The following CHCHD3 variants were observed in gnomAD, a reference collection of about 807,000 sequenced individuals.
CHCHD3 encodes MICOS complex subunit MIC19.
A neutral mutation model predicts 38.2 loss-of-function variants in CHCHD3; 20 were observed. That is an observed-to-expected ratio of 0.52 (90% CI 0.37 to 0.76). The LOEUF is 0.76. CHCHD3 is among the 30% of genes least tolerant of loss of function. The pLI is 0.00. For missense variants in CHCHD3, 245 were observed against 279.2 expected (o/e 0.88, Z 0.87); for synonymous variants, 82 against 100.0 (o/e 0.82, Z 1.07).
At chr7:132,806,271 C>T (rs762231444) in intron 6 of CHCHD3, among the ~76,000 whole-genome samples, 9 of 152,072 alleles carry the variant, frequency 5.9e-5, no homozygotes, top group South Asian at 2.1e-4. Flanking sequence ...GAGCAGAGAG[C>T]GTGAGGCAGA....
intron 5 of CHCHD3, chr7:132,847,139 T>C (rs1194620177): frequency 6.6e-6 from 1 of 152,160 alleles, no homozygotes; most frequent in African/African-American, 2.4e-5. Flanking sequence ...TATGCCCATG[T>C]CCTCAGGGTG....
At chr7:133,049,961 G>A (rs1490796925) in intron 2 of CHCHD3, among the ~76,000 whole-genome samples, 1 of 152,066 alleles carries the variant, frequency 6.6e-6, no homozygotes, top group Non-Finnish European at 1.5e-5. Flanking sequence ...TGATACCGAC[G>A]GTATCTTCCT....
intron 5 of CHCHD3, chr7:132,849,017 AG>A (rs1808150766): frequency 6.6e-6 from 1 of 152,224 alleles, no homozygotes. Flanking sequence ...TGTTTCTGAA[AG>A]GTACACTAAG....
chr7:132,818,672 G>A (rs1184312533), intron 6 of CHCHD3, among the ~76,000 whole-genome samples: 3 of 151,936 alleles, frequency 2.0e-5, no homozygotes, highest in Non-Finnish European at 4.4e-5. Flanking sequence ...CTGTCTACAT[G>A]AACAGAAGCA....
chr7:132,870,653 T>C lies in CHCHD3; in HGVS notation c.453+15009A>G, dbSNP rs144063859. On this transcript the variant is annotated intron_variant, in intron 5 of 7. Transcript: ENST00000262570. ...GTTACATGATTTATCTAAGAATAAA[T>C]AGCCAATAACTAGGAGGTCTAATAT... Among the ~76,000 whole-genome samples, 111 of 152,284 alleles carry C rather than the reference T, an allele frequency of 7.3e-4. 2 individuals carry two copies. Among genetic ancestry groups the C allele is most frequent in the Middle Eastern group, 6.8e-3 (2 of 294 alleles).
At chr7:132,993,818 T>G (rs7794951) in intron 3 of CHCHD3, among the ~76,000 whole-genome samples, 67,634 of 152,066 alleles carry the variant, frequency 0.44, 15,321 homozygotes, top group East Asian at 0.55. Context: ...TGTTGATCCC[T>G]GCACTTTGCC....
In CHCHD3 at chr7:132,817,677, A is replaced by T. The variant is rs1343867211; in HGVS notation, c.524+20722T>A. 2.0e-5 allele frequency among the ~76,000 whole-genome samples: 3 copies of T among 152,188 alleles called. No homozygotes were observed. The East Asian group carries it at 5.8e-4, about 29-fold the overall frequency. ...CCTTGGGATAACTGAACATGAAATC[A>T]ATTTCTTAATGGTTCTCTCTTAAAG... On this transcript the variant is annotated intron_variant, in intron 6 of 7. Coordinates refer to ENST00000262570, the MANE Select transcript of CHCHD3 (RefSeq NM_017812.4).
chr7:132,852,153 G>A (rs543807348), intron 5 of CHCHD3, among the ~76,000 whole-genome samples: 1 of 152,184 alleles, frequency 6.6e-6, no homozygotes, highest in African/African-American at 2.4e-5. Flanking sequence ...TGCTGATTTG[G>A]ATGATATTGG....
chr7:132,835,342 T>A (rs1164576940), intron 6 of CHCHD3, among the ~76,000 whole-genome samples: 7 of 152,208 alleles, frequency 4.6e-5, no homozygotes, highest in Non-Finnish European at 1.0e-4. Context: ...AGGAGCTTGG[T>A]CCAAAATCCA....
chr7:132,822,776 T>G (rs980000954), intron 6 of CHCHD3, among the ~76,000 whole-genome samples: 1 of 152,160 alleles, frequency 6.6e-6, no homozygotes, highest in African/African-American at 2.4e-5. Flanking sequence ...TTTGTTTCGC[T>G]GCAGCCTTCT....
intron 4 of CHCHD3, among the ~76,000 whole-genome samples, chr7:132,967,337 T>C (rs1811491314): frequency 1.3e-5 from 2 of 152,268 alleles, no homozygotes; most frequent in South Asian, 2.1e-4. Flanking sequence ...ACACAGTTCC[T>C]TGGAGAATGG....
intron 2 of CHCHD3, among the ~76,000 whole-genome samples, chr7:133,039,133 T>C (rs1562945645): frequency 6.6e-6 from 1 of 152,186 alleles, no homozygotes; most frequent in Non-Finnish European, 1.5e-5. Context: ...TCTTTTTTTT[T>C]AAGTTGCTTA....
chr7:132,927,110 C>A (rs1810396929), intron 4 of CHCHD3, among the ~76,000 whole-genome samples: 1 of 152,172 alleles, frequency 6.6e-6, no homozygotes, highest in Non-Finnish European at 1.5e-5. Flanking sequence ...AACCCATGCC[C>A]CCAGATTAGA....
At chr7:132,786,217 G>A (rs999562269) in intron 7 of CHCHD3, among the ~76,000 whole-genome samples, 1 of 152,196 alleles carries the variant, frequency 6.6e-6, no homozygotes, top group African/African-American at 2.4e-5. Flanking sequence ...ATTTGGAAAT[G>A]TTGGGAGCAT....
intron 5 of CHCHD3, among the ~76,000 whole-genome samples, chr7:132,883,689 G>A (rs982985818): frequency 3.3e-5 from 5 of 152,158 alleles, no homozygotes; most frequent in African/African-American, 7.2e-5. Flanking sequence ...AGGCAGAGGT[G>A]GGGAGCTGCA....
At chr7:133,020,927 A>G (rs2117434380) in intron 3 of CHCHD3, among the ~76,000 whole-genome samples, 1 of 146,262 alleles carries the variant, frequency 6.8e-6, no homozygotes, top group African/African-American at 2.5e-5. Context: ...TTTGAGCCAA[A>G]TAATTCTTTT....
chr7:133,020,182 A>G (rs1813141847), intron 3 of CHCHD3, among the ~76,000 whole-genome samples: 1 of 152,218 alleles, frequency 6.6e-6, no homozygotes, highest in Non-Finnish European at 1.5e-5. Context: ...CCCATAAAAC[A>G]GGATAAATCT....
At chr7:132,832,016 T>A (rs2117085392) in intron 6 of CHCHD3, among the ~76,000 whole-genome samples, 1 of 151,918 alleles carries the variant, frequency 6.6e-6, no homozygotes, top group East Asian at 1.9e-4. Context: ...AAATATTACA[T>A]CCAAAAAAGA....
At chr7:132,804,566 C>T (rs1806867047) in intron 6 of CHCHD3, among the ~76,000 whole-genome samples, 1 of 152,108 alleles carries the variant, frequency 6.6e-6, no homozygotes, top group Admixed American at 6.5e-5. Flanking sequence ...GCTTTTAATA[C>T]CAAGAGAAGT....
Sources: allele counts gnomAD v4.1 joint callset (sites outside exome capture counted in the v4.1 genomes callset), GRCh38; gene constraint gnomAD v4.1.1; transcripts MANE v1.5; gene names NCBI Gene and HGNC (gene_info 2026-07-23, HGNC 2026-07-21).